The following KRT72 variants were observed in gnomAD, a reference collection of about 807,000 sequenced individuals.
KRT72 encodes keratin, type II cytoskeletal 72.
A neutral mutation model predicts 44.7 loss-of-function variants in KRT72; 44 were observed. The ratio of observed to expected loss-of-function variants is 0.98; its 90% confidence interval spans 0.77 to 1.27. The LOEUF is 1.27. Ranked by LOEUF, KRT72 falls within the 50% of genes most tolerant of loss-of-function variation. The probability of loss-of-function intolerance (pLI) is 0.00; values close to 1 mark genes in which losing one functional copy is unlikely to be tolerated. For missense variants in KRT72, 736 were observed against 667.1 expected (o/e 1.10, Z -1.14); for synonymous variants, 302 against 280.4 (o/e 1.08, Z -0.77).
At chr12:52,589,103 G>T (rs1322663220) in intron 6 of KRT72, among the ~76,000 whole-genome samples, 2 of 152,148 alleles carry the variant, frequency 1.3e-5, no homozygotes, top group African/African-American at 4.8e-5. Flanking sequence ...CCCCCAGGGG[G>T]CTTCCTGAGC....
chr12:52,587,624 C>T lies in KRT72; in HGVS notation c.1310+7G>A, dbSNP rs1939823092. 2.5e-6 allele frequency: 4 copies of T among 1,613,882 alleles called. No individual in the cohort carries two copies. In the Admixed American group the frequency reaches 5.0e-5, roughly 20 times the overall value. Reference sequence around the variant, plus strand: ...TGGTCCCGACACAAGGGTATCCGGCCCCTCACCTGCACTCCTCGCTCTCCA... The same window carrying T: ...TGGTCCCGACACAAGGGTATCCGGCTCCTCACCTGCACTCCTCGCTCTCCA... On this transcript the variant is annotated splice_region_variant and intron_variant, in intron 7 of 8. Transcript: ENST00000293745.
At chr12:52,597,818 T>C (rs1053032064) in intron 2 of KRT72, among the ~76,000 whole-genome samples, 3 of 152,226 alleles carry the variant, frequency 2.0e-5, no homozygotes, top group African/African-American at 7.2e-5. Flanking sequence ...CAAGTATCAG[T>C]ATTTAGTTTT....
At chr12:52,596,811 G>A (rs377202366) in intron 2 of KRT72, among the ~76,000 whole-genome samples, 9 of 152,146 alleles carry the variant, frequency 5.9e-5, no homozygotes, top group East Asian at 1.9e-4. Flanking sequence ...TCAGCCTCCC[G>A]AAGTGCTGGG....
At position 52,601,008 on chromosome 12, in the gene KRT72, C is replaced by A. The variant is rs987491048; in HGVS notation, c.426+19G>T. The A allele has an allele frequency of 1.2e-6, 2 of 1,609,288 alleles. No individual in the cohort carries two copies. The highest frequency in any genetic ancestry group is 1.7e-6 in the Non-Finnish European group (2 of 1,178,564). On this transcript the variant is annotated intron_variant, in intron 1 of 8. Transcript: ENST00000293745. ...CACATGCGCCCAACGCAGGGACAGG[C>A]CAATGCCCGAGGACTCACCTTGTCG...
At chr12:52,591,259 C>T (rs539254259) in intron 5 of KRT72, among the ~76,000 whole-genome samples, 16 of 152,286 alleles carry the variant, frequency 1.1e-4, no homozygotes, top group East Asian at 3.9e-4. Flanking sequence ...CATATATGTC[C>T]GCAAAACAAG....
At chr12:52,589,098 A>AG (rs34797514) in intron 6 of KRT72, among the ~76,000 whole-genome samples, 2 of 152,110 alleles carry the variant, frequency 1.3e-5, no homozygotes, top group African/African-American at 2.4e-5. Flanking sequence ...GAAAGCCCCC[A>AG]GGGGGCTTCC....
At chr12:52,595,845 A>G (rs985603663) in intron 2 of KRT72, among the ~76,000 whole-genome samples, 1 of 152,296 alleles carries the variant, frequency 6.6e-6, no homozygotes, top group South Asian at 2.1e-4. Flanking sequence ...TTATTGAAAA[A>G]TTTTCCAGAA....
chr12:52,600,778 G>T (rs1450494973), intron 1 of KRT72, among the ~76,000 whole-genome samples: 1 of 151,798 alleles, frequency 6.6e-6, no homozygotes, highest in East Asian at 1.9e-4. Context: ...GCATGAAAAT[G>T]GGCTAATACA....
At chr12:52,600,879 C>A (rs1940414362) in intron 1 of KRT72, 148 bp downstream of exon 1, 2 of 795,732 alleles carry the variant, frequency 2.5e-6, no homozygotes, top group Middle Eastern at 3.8e-4. Context: ...GGAGTAAGAC[C>A]CATTATTGTG....
chr12:52,596,269 TA>T (rs1216980858), intron 2 of KRT72, among the ~76,000 whole-genome samples: 1 of 152,106 alleles, frequency 6.6e-6, no homozygotes, highest in Non-Finnish European at 1.5e-5. Context: ...CTTCTATAAT[TA>T]AAGTTTCCCA....
At chr12:52,589,011 T>C (rs1939892444) in intron 6 of KRT72, among the ~76,000 whole-genome samples, 1 of 151,154 alleles carries the variant, frequency 6.6e-6, no homozygotes, top group Non-Finnish European at 1.5e-5. Context: ...AATATATATA[T>C]ATATATTAAT....
chr12:52,597,878 G>C (rs1940273786), intron 2 of KRT72, among the ~76,000 whole-genome samples: 2 of 152,128 alleles, frequency 1.3e-5, no homozygotes, highest in Non-Finnish European at 2.9e-5. Flanking sequence ...CTCATCTGTG[G>C]TTGCTCAACT....
chr12:52,595,331 T>A (rs1474060091), intron 2 of KRT72, among the ~76,000 whole-genome samples: 1 of 152,152 alleles, frequency 6.6e-6, no homozygotes, highest in African/African-American at 2.4e-5. Context: ...TTTCTCTTGT[T>A]TTATAACATA....
intron 1 of KRT72, among the ~76,000 whole-genome samples, chr12:52,600,391 T>C (rs10876313): frequency 0.35 from 52,609 of 152,016 alleles, 9,781 homozygotes; most frequent in East Asian, 0.59. Context: ...CCCTCCCTTC[T>C]CACAGTCTTG....
intron 4 of KRT72, 77 bp downstream of exon 4, chr12:52,592,319 C>T: frequency 9.6e-7 from 1 of 1,038,110 alleles, no homozygotes; most frequent in South Asian, 1.3e-5. Flanking sequence ...TCTTGGTCCA[C>T]ACCACCTTCC....
intron 2 of KRT72, among the ~76,000 whole-genome samples, chr12:52,598,320 C>T (rs1373337676): frequency 6.6e-6 from 1 of 152,188 alleles, no homozygotes; most frequent in East Asian, 1.9e-4. Context: ...AAGAAGCCAC[C>T]TGTCCCTAGA....
At chr12:52,599,315 A>C in intron 1 of KRT72, 2 of 648,154 alleles carry the variant, frequency 3.1e-6, no homozygotes, top group Non-Finnish European at 5.7e-6. Flanking sequence ...ATATGGAATC[A>C]GGAAGAGGGC....
Position 52,601,050 on chromosome 12 carries a change from T to C in KRT72, c.403A>G (p.Lys135Glu). Residue 135 changes from lysine to glutamate, a missense_variant, in exon 1 of 9, where the codon AAG (lysine) becomes GAG (glutamate). By Grantham distance (56) the Lys-to-Glu change is moderately conservative. Transcript: ENST00000293745. ...ACCTTGTCGATGAAGGAGGCGAACT[T>C]GTTGTTTAGCGCCTTGATCTGCTCC... ...EREQIKALNN[K>E]FASFIDKVRF... 1 of 1,611,304 alleles carries C rather than the reference T, an allele frequency of 6.2e-7. No homozygotes were observed. The highest frequency in any genetic ancestry group is 1.1e-5 in the South Asian group (1 of 90,578).
chr12:52,586,024 T>G lies in KRT72; in HGVS notation c.1494A>C (p.Lys498Asn). ...TGGTGGCACAGCTGCTCCCCGAGGT[T>G]TTGGCAAGGGGATCCTTGAGCTCAC... ...CGSELKDPLA[K>N]TSGSSCATKK... Residue 498 changes from lysine (K) to asparagine (N), a missense_variant, in exon 9 of 9, where the codon AAA (lysine) becomes AAC (asparagine). Physicochemically the swap from Lys to Asn is moderately conservative, Grantham distance 94 (BLOSUM62 0). Transcript: ENST00000293745. 2 of 1,614,020 alleles carry G rather than the reference T, an allele frequency of 1.2e-6. No individual in the cohort carries two copies. Among genetic ancestry groups the G allele is most frequent in the Non-Finnish European group, 1.7e-6 (2 of 1,179,950 alleles).
Sources: gnomAD v4.1 joint callset for allele counts (sites outside exome capture counted in the v4.1 genomes callset) on GRCh38, gnomAD v4.1.1 for gene constraint, MANE v1.5 for transcripts, NCBI Gene and HGNC (gene_info 2026-07-23, HGNC 2026-07-21) for gene names.